The following SYT10 variants were observed in gnomAD, a reference collection of about 807,000 sequenced individuals.
SYT10 encodes synaptotagmin 10.
SYT10 carries 31 observed loss-of-function variants against 51.1 expected under a neutral mutation model. The observed-to-expected ratio is 0.61, with a 90% confidence interval of 0.46 to 0.82. The LOEUF (loss-of-function observed/expected upper bound fraction) is 0.82, where lower values mean the gene tolerates loss of function less well. Ranked by LOEUF, SYT10 falls within the 40% of genes least tolerant of loss-of-function variation. The pLI is 0.00. For synonymous variants in SYT10, 233 were observed against 225.9 expected (o/e 1.03, Z -0.28); for missense variants, 603 against 634.0 (o/e 0.95, Z 0.53).
At chr12:33,404,663 A>T (rs1015959225) in intron 3 of SYT10, among the ~76,000 whole-genome samples, 64 of 152,220 alleles carry the variant, frequency 4.2e-4, no homozygotes, top group African/African-American at 1.4e-3. Flanking sequence ...AGTGTTGGGA[A>T]TTACAGGCAT....
At chr12:33,406,711 C>G in intron 3 of SYT10, 78 bp downstream of exon 3, 1 of 1,236,722 alleles carries the variant, frequency 8.1e-7, no homozygotes, top group Non-Finnish European at 1.1e-6. Flanking sequence ...AGGCTTATTC[C>G]GATAATTTGG....
intron 3 of SYT10, among the ~76,000 whole-genome samples, chr12:33,387,745 A>G (rs1249062667): frequency 2.5e-5 from 2 of 78,962 alleles, no homozygotes; most frequent in African/African-American, 1.3e-4. Context: ...TCCTTCTAAC[A>G]TGTTTTTTTT....
intron 2 of SYT10, among the ~76,000 whole-genome samples, chr12:33,409,073 A>G (rs1866383357): frequency 6.6e-6 from 1 of 151,622 alleles, no homozygotes; most frequent in African/African-American, 2.4e-5. Flanking sequence ...CTTAATACCC[A>G]GTCAGTGCAC....
In SYT10 at chr12:33,439,810, G is replaced by C. The variant is rs1039954024; in HGVS notation, c.-288C>G. On this transcript the variant is annotated 5_prime_UTR_variant, in exon 1 of 7. Coordinates refer to ENST00000228567, the MANE Select transcript of SYT10 (RefSeq NM_198992.4). ...CGAGGCGCGCTGGAACTAGAGACCC[G>C]GCATGGAGTGCTGAGGGGAGGGGGG... The C allele has an allele frequency of 4.6e-6, 2 of 430,678 alleles. No homozygotes were observed. The highest frequency in any genetic ancestry group is 4.5e-5 in the East Asian group (1 of 22,360). 26.7% of individuals were successfully genotyped at this position (430,678 alleles called of 1,614,324 possible).
intron 2 of SYT10, 100 bp downstream of exon 2, chr12:33,426,038 A>G (rs1325646341): frequency 8.8e-6 from 11 of 1,242,946 alleles, no homozygotes; most frequent in East Asian, 2.4e-5. Flanking sequence ...TCTCCCAACT[A>G]AAGTTTTTCT....
intron 2 of SYT10, among the ~76,000 whole-genome samples, chr12:33,417,578 C>A (rs1866465381): frequency 6.6e-6 from 1 of 152,214 alleles, no homozygotes; most frequent in Non-Finnish European, 1.5e-5. Context: ...AGTCTTGTGA[C>A]TCTCAAAAGA....
At chr12:33,434,501 T>C (rs2138441583) in intron 1 of SYT10, among the ~76,000 whole-genome samples, 1 of 152,322 alleles carries the variant, frequency 6.6e-6, no homozygotes, top group South Asian at 2.1e-4. Context: ...ATTCATTCAT[T>C]CATTTAAAAA....
intron 2 of SYT10, among the ~76,000 whole-genome samples, chr12:33,416,256 T>G (rs747547250): frequency 8.5e-5 from 13 of 152,102 alleles, no homozygotes; most frequent in Non-Finnish European, 1.6e-4. Flanking sequence ...GATTTTTTTG[T>G]ATTTTTAGTA....
In SYT10 at chr12:33,382,568, G is replaced by A. The variant is rs767839706; in HGVS notation, c.1199-48C>T. 6 of 1,508,650 alleles carry A rather than the reference G, an allele frequency of 4.0e-6. No individual in the cohort carries two copies. The South Asian group carries it at 4.2e-5, about 10-fold the overall frequency. 93.5% of individuals were successfully genotyped at this position (1,508,650 alleles called of 1,614,324 possible). On this transcript the variant is annotated intron_variant, in intron 4 of 6. Transcript: ENST00000228567. ...ATTAAAATAAAAGTAATAGTACAAA[G>A]CATAAATAAAACTGCAGTTTATTTT... is the stretch of plus-strand genomic sequence containing the variant.
chr12:33,393,090 A>C (rs1866224309), intron 3 of SYT10, among the ~76,000 whole-genome samples: 1 of 151,360 alleles, frequency 6.6e-6, no homozygotes, highest in African/African-American at 2.4e-5. Flanking sequence ...ATCCAACACA[A>C]CCATGGACTT....
chr12:33,398,187 T>A (rs1565493498), intron 3 of SYT10, among the ~76,000 whole-genome samples: 1 of 152,066 alleles, frequency 6.6e-6, no homozygotes, highest in South Asian at 2.1e-4. Flanking sequence ...CAGACGGCAT[T>A]ATGAGTATAC....
At chr12:33,398,624 G>A (rs1444010022) in intron 3 of SYT10, among the ~76,000 whole-genome samples, 3 of 152,130 alleles carry the variant, frequency 2.0e-5, no homozygotes, top group Non-Finnish European at 4.4e-5. Flanking sequence ...ATAGAAAAAT[G>A]TAACACTTAA....
chr12:33,398,741 A>G (rs914161269), intron 3 of SYT10, among the ~76,000 whole-genome samples: 3 of 152,154 alleles, frequency 2.0e-5, no homozygotes, highest in Non-Finnish European at 4.4e-5. Context: ...CTACCATAAA[A>G]TATATCCTAT....
At chr12:33,429,855 A>G (rs768554565) in intron 1 of SYT10, among the ~76,000 whole-genome samples, 19 of 152,172 alleles carry the variant, frequency 1.2e-4, no homozygotes, top group Non-Finnish European at 2.6e-4. Flanking sequence ...AAAAGAGGTA[A>G]GTTGAAGTAG....
intron 2 of SYT10, among the ~76,000 whole-genome samples, chr12:33,412,764 A>G (rs1320133115): frequency 4.6e-5 from 7 of 152,174 alleles, no homozygotes; most frequent in Non-Finnish European, 8.8e-5. Flanking sequence ...GAAAATTCTA[A>G]AAATCAGAGC....
Position 33,439,389 on chromosome 12 carries a change from T to A in SYT10, c.134A>T (p.Gln45Leu). The A allele has an allele frequency of 6.2e-7, 1 of 1,613,848 alleles. No homozygotes were observed. Among genetic ancestry groups the A allele is most frequent in the Non-Finnish European group, 8.5e-7 (1 of 1,179,960 alleles). Residue 45 changes from glutamine (Q) to leucine (L), a missense_variant, in exon 1 of 7, where the codon CAG becomes CTG. Physicochemically the swap from Gln to Leu is moderately radical, Grantham distance 113. Transcript: ENST00000228567. ...CCGGTTACCTGTGCTGCTTCCGCCC[T>A]GGCTGCCCCTGTCCCGAGGGAAGAT... is the stretch of plus-strand genomic sequence containing the variant. ...SGIFPRDRGS[Q>L]GGSSTDISVS...
At chr12:33,412,863 GCTT>G (rs1866419563) in intron 2 of SYT10, among the ~76,000 whole-genome samples, 1 of 152,126 alleles carries the variant, frequency 6.6e-6, no homozygotes, top group South Asian at 2.1e-4. Flanking sequence ...AGAGAAGAAG[GCTT>G]CAGACGATCA....
chr12:33,435,744 C>A (rs990197583), intron 1 of SYT10, among the ~76,000 whole-genome samples: 1 of 152,064 alleles, frequency 6.6e-6, no homozygotes. Flanking sequence ...TAATTTTAAA[C>A]CTTTATCATA....
chr12:33,418,937 C>CA (rs1866477434), intron 2 of SYT10, among the ~76,000 whole-genome samples: 1 of 152,110 alleles, frequency 6.6e-6, no homozygotes, highest in South Asian at 2.1e-4. Context: ...CCATATTACT[C>CA]AGAGTAAAAG....
Sources: allele counts gnomAD v4.1 joint callset (sites outside exome capture counted in the v4.1 genomes callset), GRCh38; gene constraint gnomAD v4.1.1; transcripts MANE v1.5; gene names NCBI Gene and HGNC (gene_info 2026-07-23, HGNC 2026-07-21).